Variants in ZNF423 observed in about 807,000 individuals in gnomAD.
ZNF423 encodes Ebf-associated zinc finger protein.
A neutral mutation model predicts 95.8 loss-of-function variants in ZNF423; 12 were observed. That is an observed-to-expected ratio of 0.13 (90% CI 0.08 to 0.20). The LOEUF is 0.20. ZNF423 is among the 10% of genes least tolerant of loss of function. ZNF423 has a pLI of 1.00. For synonymous variants in ZNF423, 749 were observed against 711.9 expected, an observed-to-expected ratio of 1.05 and a Z score of -0.83; for missense variants, 1,316 against 1,737.1, an observed-to-expected ratio of 0.76 and a Z score of 4.31.
intron 5 of ZNF423, among the ~76,000 whole-genome samples, chr16:49,592,001 A>G (rs898655040): frequency 1.3e-5 from 2 of 152,264 alleles, no homozygotes; most frequent in African/African-American, 4.8e-5. Flanking sequence ...TCAGCAAGCT[A>G]TCTGCTGCTT....
chr16:49,785,180 G>T (rs183104994), intron 2 of ZNF423, among the ~76,000 whole-genome samples: 1 of 152,062 alleles, frequency 6.6e-6, no homozygotes, highest in Non-Finnish European at 1.5e-5. Context: ...GGGCTCAAGT[G>T]ATCCTCTTGC....
At chr16:49,812,507 C>A (rs1258779827) in intron 1 of ZNF423, among the ~76,000 whole-genome samples, 3 of 152,128 alleles carry the variant, frequency 2.0e-5, no homozygotes, top group East Asian at 3.9e-4. Flanking sequence ...CCAGCCCAGG[C>A]AACATGATGA....
intron 7 of ZNF423, among the ~76,000 whole-genome samples, chr16:49,502,234 G>C (rs1006839744): frequency 6.6e-6 from 1 of 152,150 alleles, no homozygotes; most frequent in Non-Finnish European, 1.5e-5. Flanking sequence ...GCAGCAGATG[G>C]CCCAACATTA....
At chr16:49,676,254 C>T (rs547662523) in intron 3 of ZNF423, among the ~76,000 whole-genome samples, 73 of 152,326 alleles carry the variant, frequency 4.8e-4, no homozygotes, top group Admixed American at 1.6e-3. Context: ...CAGAGCTCCA[C>T]GAGGCACTAA....
intron 1 of ZNF423, among the ~76,000 whole-genome samples, chr16:49,848,486 C>T (rs1417760145): frequency 1.8e-4 from 28 of 152,056 alleles, no homozygotes; most frequent in Non-Finnish European, 1.5e-4. Flanking sequence ...AACAAACCCT[C>T]GAGAAGCACA....
intron 3 of ZNF423, among the ~76,000 whole-genome samples, chr16:49,704,804 T>C (rs2032299992): frequency 6.6e-6 from 1 of 152,062 alleles, no homozygotes; most frequent in Non-Finnish European, 1.5e-5. Flanking sequence ...CCTTCAAATA[T>C]GGCTGCCAGA....
rs562845641 is a variant in ZNF423 at position 49,571,655 on chromosome 16, G to A, written c.3602-46161C>T. 2.0e-5 allele frequency among the ~76,000 whole-genome samples: 3 copies of A among 152,268 alleles called. No individual in the cohort carries two copies. In the South Asian group the frequency reaches 6.2e-4, roughly 32 times the overall value. On this transcript the variant is annotated intron_variant, in intron 5 of 7. Transcript: ENST00000563137. ...CCAGACAGGGAGACACATTCAGAAG[G>A]CCACTTCCAGTTCACCATAGAGAAC...
intron 5 of ZNF423, among the ~76,000 whole-genome samples, chr16:49,601,516 A>T (rs907370758): frequency 6.6e-6 from 1 of 152,210 alleles, no homozygotes; most frequent in African/African-American, 2.4e-5. Context: ...CCTTACTCCA[A>T]TTCAGCCCTG....
At chr16:49,630,622 T>C (rs1194139934) in intron 4 of ZNF423, among the ~76,000 whole-genome samples, 1 of 152,006 alleles carries the variant, frequency 6.6e-6, no homozygotes, top group African/African-American at 2.4e-5. Flanking sequence ...GGTGCAAGTC[T>C]CTAGAGGCTG....
chr16:49,746,976 C>T (rs1329403050), intron 2 of ZNF423, among the ~76,000 whole-genome samples: 3 of 152,206 alleles, frequency 2.0e-5, no homozygotes, highest in Admixed American at 6.5e-5. Context: ...AGACACAATC[C>T]GGAGATATGC....
intron 5 of ZNF423, among the ~76,000 whole-genome samples, chr16:49,547,688 C>A (rs1969489551): frequency 6.6e-6 from 1 of 152,224 alleles, no homozygotes; most frequent in Non-Finnish European, 1.5e-5. Context: ...TCCACCACAG[C>A]CACCCAGCTC....
rs776237627 is a variant in ZNF423 at position 49,492,477 on chromosome 16, G to C, written c.3850-1173C>G. Among the ~76,000 whole-genome samples, 7 of 137,724 alleles carry C rather than the reference G, an allele frequency of 5.1e-5. No homozygotes were observed. The highest frequency in any genetic ancestry group is 8.9e-5 in the Non-Finnish European group (6 of 67,412). 90.4% of individuals were successfully genotyped at this position (137,724 alleles called of 152,430 possible). On this transcript the variant is annotated intron_variant, in intron 7 of 7. Transcript: ENST00000563137. This position sits in a 1 kb window ranked among gnomAD's most constrained non-coding sequence, Gnocchi z 4.2. The stretch of plus-strand genomic sequence containing the variant: ...GTAGCCTCGCCCGGAGGCCGAGGCC[G>C]GGGCCGGGGCCGGGGCCGGGGCCGA...
At chr16:49,768,073 C>T (rs910779635) in intron 2 of ZNF423, among the ~76,000 whole-genome samples, 11 of 152,196 alleles carry the variant, frequency 7.2e-5, no homozygotes, top group Non-Finnish European at 1.5e-4. Flanking sequence ...TAATCCTGTA[C>T]GGAGGTGCGG....
At chr16:49,782,341 T>A (rs2034225855) in intron 2 of ZNF423, among the ~76,000 whole-genome samples, 1 of 152,208 alleles carries the variant, frequency 6.6e-6, no homozygotes, top group Non-Finnish European at 1.5e-5. Flanking sequence ...AGTTATAGCA[T>A]CTCTGTTTCT....
intron 1 of ZNF423, among the ~76,000 whole-genome samples, chr16:49,841,550 GT>G (rs2035182772): frequency 6.6e-6 from 1 of 152,158 alleles, no homozygotes; most frequent in Non-Finnish European, 1.5e-5. Flanking sequence ...TACTCTTGGT[GT>G]TGTGATTCCA....
At chr16:49,562,118 T>C (rs4785323) in intron 5 of ZNF423, among the ~76,000 whole-genome samples, 22,953 of 152,202 alleles carry the variant, frequency 0.15, 1,840 homozygotes, top group Admixed American at 0.18. Flanking sequence ...AACATCCCTA[T>C]ATAGTCTCCC....
At chr16:49,614,162 A>C (rs191190768) in intron 5 of ZNF423, among the ~76,000 whole-genome samples, 9 of 152,384 alleles carry the variant, frequency 5.9e-5, no homozygotes, top group Admixed American at 2.0e-4. Flanking sequence ...CATTTCATCA[A>C]AGAGGAATGG....
chr16:49,598,696 C>T (rs1263975369), intron 5 of ZNF423, among the ~76,000 whole-genome samples: 2 of 152,272 alleles, frequency 1.3e-5, no homozygotes, highest in Admixed American at 6.5e-5. Context: ...TGTGCAGAGA[C>T]ACCTGAAAGT....
chr16:49,551,208 T>C (rs564329368), intron 5 of ZNF423, among the ~76,000 whole-genome samples: 10 of 152,264 alleles, frequency 6.6e-5, no homozygotes, highest in African/African-American at 9.6e-5. Context: ...AAAATGTTTT[T>C]GCAACTAAGA....
Sources: gnomAD v4.1 joint callset for allele counts (sites outside exome capture counted in the v4.1 genomes callset) on GRCh38, gnomAD v4.1.1 for gene constraint, Gnocchi (gnomAD v3.1) non-coding constraint, MANE v1.5 for transcripts, NCBI Gene and HGNC (gene_info 2026-07-23, HGNC 2026-07-21) for gene names.